USP31: variants seen among roughly 807,000 people sequenced by gnomAD.
The protein encoded by USP31 is ubiquitin specific peptidase 31, also known as ubiquitin carboxyl-terminal hydrolase 31.
Under a neutral mutation model 119.4 loss-of-function variants are expected in USP31, and 44 were observed. That is an observed-to-expected ratio of 0.37 (90% CI 0.29 to 0.47). The LOEUF is 0.47. Ranked by LOEUF, USP31 falls within the 20% of genes least tolerant of loss-of-function variation. USP31 has a pLI of 0.99. For missense variants in USP31, 1,643 were observed against 1,730.2 expected (o/e 0.95, Z 0.89); for synonymous variants, 749 against 705.6 (o/e 1.06, Z -0.97).
In USP31 at chr16:23,064,287, C is replaced by G. The variant is rs1000441233; in HGVS notation, c.*3759G>C. ...TCCGAATGAAATGTAACGTCTGATG[C>G]CCCTCTATGTGAAATAAAGCACGCT... On this transcript the variant is annotated 3_prime_UTR_variant, in exon 16 of 16. Coordinates refer to ENST00000219689, the MANE Select transcript of USP31 (RefSeq NM_020718.4). 3 of 152,438 alleles carry G rather than the reference C, an allele frequency of 2.0e-5. No homozygotes were observed. The highest frequency in any genetic ancestry group is 7.2e-5 in the African/African-American group (3 of 41,446). The allele number at this position is 152,438 out of a possible 1,614,324, so 9.4% of individuals were successfully genotyped here.
chr16:23,087,938 G>C, intron 7 of USP31, 103 bp from the exon 8 acceptor site: 1 of 960,202 alleles, frequency 1.0e-6, no homozygotes, highest in Non-Finnish European at 1.6e-6. Context: ...AATATAATTG[G>C]CTTTAGGACA....
In USP31 at chr16:23,068,565, C is replaced by T. The variant is rs1900192034; in HGVS notation, c.3540G>A (p.Arg1180=). The change falls in exon 16 of 16, where the codon CGG becomes CGA. Residue 1180 remains arginine, a synonymous_variant. Coordinates refer to ENST00000219689, the MANE Select transcript of USP31 (RefSeq NM_020718.4). Reference sequence around the variant, plus strand: ...CCTCCCCTGCTCGGGCCTGGCTCACCCGAGGGGAATTGGGTTTGGAGGTGG... The same window carrying T: ...CCTCCCCTGCTCGGGCCTGGCTCACTCGAGGGGAATTGGGTTTGGAGGTGG... ...ATSTSKPNSP[R]VSQARAGEGR... 1 of 1,613,940 alleles carries T rather than the reference C, an allele frequency of 6.2e-7. No individual in the cohort carries two copies. Among genetic ancestry groups the T allele is most frequent in the Admixed American group, 1.7e-5 (1 of 60,008 alleles).
Position 23,105,570 on chromosome 16 carries a change from G to A in USP31, c.960C>T (p.Leu320=). 6.2e-7 allele frequency: 1 copy of A among 1,613,688 alleles called. No individual in the cohort carries two copies. Among genetic ancestry groups the A allele is most frequent in the Non-Finnish European group, 8.5e-7 (1 of 1,179,884 alleles). ...LPIPLPHTRP[L]YVTVVYQGKC... The stretch of plus-strand genomic sequence containing the variant: ...TGCCTTGATACACTACAGTGACATA[G>A]AGAGGCCTGTACAGATCAAAGTCAG... Residue 320 remains leucine, a synonymous_variant, in exon 5 of 16, where the codon CTC becomes CTT. Coordinates refer to ENST00000219689, the MANE Select transcript of USP31 (RefSeq NM_020718.4).
rs1900390740 is a variant in USP31, at chr16:23,072,547, T to C, written c.2336-350A>G. 7.0e-6 allele frequency: 4 copies of C among 570,174 alleles called. No homozygotes were observed. In the South Asian group the frequency reaches 9.6e-5, roughly 14 times the overall value. 35.3% of individuals were successfully genotyped at this position (570,174 alleles called of 1,614,324 possible). ...TACAAATATTTATGAAGCATCTACA[T>C]GCCAGGCACTGTTCTAAGCAATTGC... On this transcript the variant is annotated intron_variant, in intron 14 of 15. Coordinates refer to ENST00000219689, the MANE Select transcript of USP31 (RefSeq NM_020718.4).
chr16:23,081,220 G>A (rs143778063), intron 12 of USP31, among the ~76,000 whole-genome samples: 104 of 152,314 alleles, frequency 6.8e-4, no homozygotes, highest in Non-Finnish European at 1.2e-3. Context: ...GTGGTGACAT[G>A]CCTTCAAAAG....
intron 6 of USP31, among the ~76,000 whole-genome samples, chr16:23,091,974 G>A (rs538323204): frequency 1.3e-5 from 2 of 152,192 alleles, no homozygotes; most frequent in Non-Finnish European, 2.9e-5. Context: ...AGGGTGGGAA[G>A]ATCTGTTCTC....
chr16:23,121,329 C>T (rs955064081), intron 1 of USP31, among the ~76,000 whole-genome samples: 30 of 152,262 alleles, frequency 2.0e-4, no homozygotes, highest in African/African-American at 6.7e-4. Flanking sequence ...TCACAGCCTC[C>T]GCCCATTCTT....
rs953620573 is a variant in USP31, at chr16:23,061,849, T to C, written c.*6197A>G. The stretch of plus-strand genomic sequence containing the variant: ...AAGAGTTCAATCAAGAAACGACTTA[T>C]GTCAATGAGGCTTAAATTCAATTTT... On this transcript the variant is annotated 3_prime_UTR_variant, in exon 16 of 16. Transcript: ENST00000219689. The C allele has an allele frequency of 6.5e-6, 1 of 152,698 alleles. No individual in the cohort carries two copies. The highest frequency in any genetic ancestry group is 1.5e-5 in the Non-Finnish European group (1 of 68,062). The allele number at this position is 152,698 out of a possible 1,614,324, so 9.5% of individuals were successfully genotyped here.
At chr16:23,087,668 G>T in intron 8 of USP31, 56 bp downstream of exon 8, 2 of 1,450,434 alleles carry the variant, frequency 1.4e-6, no homozygotes, top group Non-Finnish European at 1.9e-6. Context: ...TGTAATGTTT[G>T]TTTCTTCACT....
intron 1 of USP31, among the ~76,000 whole-genome samples, chr16:23,141,915 A>C (rs1903363881): frequency 6.6e-6 from 1 of 152,164 alleles, no homozygotes; most frequent in Non-Finnish European, 1.5e-5. Flanking sequence ...GAATAAATGA[A>C]ATCTTTCTAC....
chr16:23,122,437 G>A (rs1392045627), intron 1 of USP31, among the ~76,000 whole-genome samples: 1 of 152,126 alleles, frequency 6.6e-6, no homozygotes, highest in African/African-American at 2.4e-5. Context: ...GTTACCATAT[G>A]ACCCAGCAAT....
Position 23,087,839 on chromosome 16 carries a change from A to G in USP31, c.1416-4T>C. On this transcript the variant is annotated splice_polypyrimidine_tract_variant and splice_region_variant and intron_variant, in intron 7 of 15. Coordinates refer to ENST00000219689, the MANE Select transcript of USP31 (RefSeq NM_020718.4). ...CAGCACAAAAGGCAGTCCAAATCTAACACACATCAACAATGTAATCACCTT... is the reference window on the plus strand; with the variant it reads ...CAGCACAAAAGGCAGTCCAAATCTAGCACACATCAACAATGTAATCACCTT... 6.2e-7 allele frequency: 1 copy of G among 1,609,268 alleles called. No homozygotes were observed. Among genetic ancestry groups the G allele is most frequent in the Non-Finnish European group, 8.5e-7 (1 of 1,176,604 alleles).
Position 23,068,579 on chromosome 16 carries a change from G to A in USP31, c.3526C>T (p.Pro1176Ser), listed in dbSNP as rs1243243216. 5 of 1,614,066 alleles carry A rather than the reference G, an allele frequency of 3.1e-6. No homozygotes were observed. The African/African-American group carries it at 5.3e-5, about 17-fold the overall frequency. ...GCCTGGCTCACCCGAGGGGAATTGG[G>A]TTTGGAGGTGGAGGTGGCGCTGGCT... is the stretch of plus-strand genomic sequence containing the variant. ...DRASATSTSK[P>S]NSPRVSQARA... The change falls in exon 16 of 16, where the codon CCC becomes TCC. Residue 1176 changes from proline (P) to serine (S), a missense_variant. Physicochemically the swap from Pro to Ser is moderately conservative, Grantham distance 74. This residue lies in a region of USP31 where 699 missense variants were observed against 650.9 expected (regional missense o/e 1.07). Coordinates refer to ENST00000219689, the MANE Select transcript of USP31 (RefSeq NM_020718.4).
intron 1 of USP31, among the ~76,000 whole-genome samples, chr16:23,145,732 C>T (rs973174030): frequency 6.6e-6 from 1 of 152,154 alleles, no homozygotes; most frequent in Admixed American, 6.5e-5. Flanking sequence ...TTGGGCCCAA[C>T]GAGCCACTGA....
chr16:23,133,610 A>G (rs1439164721), intron 1 of USP31, among the ~76,000 whole-genome samples: 2 of 152,194 alleles, frequency 1.3e-5, no homozygotes, highest in Non-Finnish European at 2.9e-5. Flanking sequence ...GGGAACAGGC[A>G]GTTCTTTAAT....
rs796081029 is a variant in USP31 at position 23,071,840 on chromosome 16, C to T, written c.2488+205G>A. 7.2e-5 allele frequency among the ~76,000 whole-genome samples: 11 copies of T among 152,020 alleles called. 1 individual carries two copies. Among genetic ancestry groups the T allele is most frequent in the African/African-American group, 2.2e-4 (9 of 41,446 alleles). On this transcript the variant is annotated intron_variant, in intron 15 of 15. Coordinates refer to ENST00000219689, the MANE Select transcript of USP31 (RefSeq NM_020718.4). ...AATAATGAAGTGGAAGGAGAAAGTACTGGGACACAGGAAAAGCAAATGACT... is the reference window on the plus strand; with the variant it reads ...AATAATGAAGTGGAAGGAGAAAGTATTGGGACACAGGAAAAGCAAATGACT...
chr16:23,141,188 G>C (rs1282621862), intron 1 of USP31, among the ~76,000 whole-genome samples: 4 of 152,170 alleles, frequency 2.6e-5, no homozygotes, highest in South Asian at 4.1e-4. Flanking sequence ...TGCCTACCTG[G>C]CCCCTGCCTC....
At chr16:23,071,297 G>A (rs775719665) in intron 15 of USP31, among the ~76,000 whole-genome samples, 9 of 151,980 alleles carry the variant, frequency 5.9e-5, no homozygotes, top group Non-Finnish European at 1.2e-4. Context: ...TCGAAATGCT[G>A]GCTGCAGACT....
intron 1 of USP31, among the ~76,000 whole-genome samples, chr16:23,136,042 C>A (rs1903178993): frequency 1.3e-5 from 2 of 151,998 alleles, no homozygotes; most frequent in Admixed American, 6.5e-5. Context: ...AAGATATAAA[C>A]CCTCGCATAT....
Sources: allele counts gnomAD v4.1 joint callset (sites outside exome capture counted in the v4.1 genomes callset), GRCh38; gene constraint gnomAD v4.1.1; regional missense constraint gnomAD v4.1.1; transcripts MANE v1.5; gene names NCBI Gene and HGNC (gene_info 2026-07-23, HGNC 2026-07-21).